PDS5B: variants seen among roughly 807,000 people sequenced by gnomAD.
PDS5B encodes PDS5 cohesin associated factor B, also known as sister chromatid cohesion protein PDS5 homolog B.
A neutral mutation model predicts 184.1 loss-of-function variants in PDS5B; 51 were observed. The observed-to-expected ratio is 0.28, with a 90% CI of 0.22 to 0.35. PDS5B has a LOEUF of 0.35. PDS5B is among the 10% of genes least tolerant of loss of function. The pLI is 1.00. For missense variants in PDS5B, 1,180 were observed against 1,723.3 expected (o/e 0.68, Z 5.58); for synonymous variants, 566 against 569.2 (o/e 0.99, Z 0.08).
At chr13:32,626,731 C>T (rs1301461594) in intron 1 of PDS5B, among the ~76,000 whole-genome samples, 1 of 152,116 alleles carries the variant, frequency 6.6e-6, no homozygotes, top group Non-Finnish European at 1.5e-5. Flanking sequence ...CCCAAATGTT[C>T]TGTTCATGGT....
chr13:32,665,458 G>A (rs979420794), intron 6 of PDS5B, among the ~76,000 whole-genome samples: 1 of 151,158 alleles, frequency 6.6e-6, no homozygotes, highest in Non-Finnish European at 1.5e-5. Flanking sequence ...GCGTGGTGGC[G>A]GGCGCCTGTA....
chr13:32,758,287 C>A, intron 27 of PDS5B, 68 bp downstream of exon 27: 1 of 1,246,396 alleles, frequency 8.0e-7, no homozygotes, highest in South Asian at 1.7e-5. Context: ...AAGTATGAAA[C>A]TTCTGTAGTA....
chr13:32,765,161 A>G (rs964118148), intron 31 of PDS5B, among the ~76,000 whole-genome samples: 2 of 152,218 alleles, frequency 1.3e-5, no homozygotes, highest in African/African-American at 4.8e-5. Flanking sequence ...TAGACACAAA[A>G]TACAGTTATG....
chr13:32,708,575 CCCATCA>C (rs1952104053), intron 18 of PDS5B, among the ~76,000 whole-genome samples: 1 of 152,050 alleles, frequency 6.6e-6, no homozygotes, highest in South Asian at 2.1e-4. Context: ...GATATATAAT[CCCATCA>C]GTAGTATGTG....
At chr13:32,673,415 A>T (rs891767853) in intron 8 of PDS5B, 59 bp downstream of exon 8, 3 of 1,414,074 alleles carry the variant, frequency 2.1e-6, no homozygotes, top group Non-Finnish European at 2.9e-6. Flanking sequence ...AGCATTATTT[A>T]TAGCTTTTTA....
In PDS5B at chr13:32,659,248, A is replaced by G. The variant is rs776961501; in HGVS notation, c.592A>G (p.Thr198Ala). 1.2e-5 allele frequency: 19 copies of G among 1,593,332 alleles called. No individual in the cohort carries two copies. Among genetic ancestry groups the G allele is most frequent in the South Asian group, 2.3e-5 (2 of 87,076 alleles). Reference protein sequence around the residue: ...GDTVSQELLDTVLVNLVPAHK... With the variant: ...GDTVSQELLDAVLVNLVPAHK... ...TACAGTGTCTCAGGAGCTTTTGGAT[A>G]CGGTTTTAGTAAATCTGGTACCTGC... Residue 198 changes from threonine to alanine, a missense_variant, in exon 6 of 35, where the codon ACG (threonine) becomes GCG (alanine). Thr to Ala is a moderately conservative substitution (Grantham distance 58). Around this residue, in one of 11 missense-constraint regions of PDS5B, gnomAD observed 79 missense variants for 124.6 expected, o/e 0.63. Transcript: ENST00000315596.
At position 32,769,363 on chromosome 13, in the gene PDS5B, T is replaced by C. The variant is rs114842739; in HGVS notation, c.3625-758T>C. 1.1e-3 allele frequency among the ~76,000 whole-genome samples: 164 copies of C among 152,312 alleles called. 1 individual carries two copies. Among genetic ancestry groups the C allele is most frequent in the African/African-American group, 3.8e-3 (157 of 41,580 alleles). On this transcript the variant is annotated intron_variant, in intron 31 of 34. Transcript: ENST00000315596. ...TGTTGTTTTCAGTGATTTTTGAAAA[T>C]ATAAATTGCGCAGACTTTTGGAAAT... is the stretch of plus-strand genomic sequence containing the variant.
chr13:32,603,415 G>C (rs1403492150), intron 1 of PDS5B, among the ~76,000 whole-genome samples: 1 of 152,088 alleles, frequency 6.6e-6, no homozygotes, highest in Admixed American at 6.5e-5. Context: ...TAGATGTGTG[G>C]TATTATTTCT....
chr13:32,713,105 A>G (rs750934582), intron 19 of PDS5B, among the ~76,000 whole-genome samples: 5 of 152,206 alleles, frequency 3.3e-5, no homozygotes, highest in Non-Finnish European at 5.9e-5. Context: ...TTATCCTTGT[A>G]AGAGTTTTAA....
intron 1 of PDS5B, among the ~76,000 whole-genome samples, chr13:32,632,712 C>G (rs1050148730): frequency 6.6e-5 from 10 of 152,204 alleles, no homozygotes; most frequent in Admixed American, 4.6e-4. Context: ...TATTGCAGCA[C>G]TGTTCACAGT....
At chr13:32,603,906 G>A (rs2058018670) in intron 1 of PDS5B, among the ~76,000 whole-genome samples, 1 of 152,144 alleles carries the variant, frequency 6.6e-6, no homozygotes, top group African/African-American at 2.4e-5. Context: ...GAATGCTTGT[G>A]ATTTTTGCAC....
Position 32,698,669 on chromosome 13 carries a change from T to C in PDS5B, c.1601-1061T>C, listed in dbSNP as rs116412121. Among the ~76,000 whole-genome samples the C allele has an allele frequency of 7.2e-3, 1,100 of 152,308 alleles. 11 individuals carry two copies. The highest frequency in any genetic ancestry group is 0.025 in the African/African-American group (1,053 of 41,568). On this transcript the variant is annotated intron_variant, in intron 15 of 34. Transcript: ENST00000315596. ...GACATAAAATGGGATTTCAGAATTA[T>C]ATGTGAACTTGAAGACTACATTTAC...
chr13:32,599,336 T>C (rs1029271339), intron 1 of PDS5B, among the ~76,000 whole-genome samples: 1 of 151,992 alleles, frequency 6.6e-6, no homozygotes, highest in Non-Finnish European at 1.5e-5. Context: ...TGATCTCAGC[T>C]CACTGCAACC....
At chr13:32,598,256 G>A (rs2057912360) in intron 1 of PDS5B, among the ~76,000 whole-genome samples, 1 of 151,822 alleles carries the variant, frequency 6.6e-6, no homozygotes, top group South Asian at 2.1e-4. Flanking sequence ...TGTATTTTTA[G>A]TAGAGATGGG....
At chr13:32,649,725 TAA>T (rs926361546) in intron 2 of PDS5B, 1 of 152,164 alleles carries the variant, frequency 6.6e-6, no homozygotes, top group African/African-American at 2.4e-5. Flanking sequence ...AAATTTCACA[TAA>T]AGTCTTAATA....
At chr13:32,647,324 G>A (rs1950253393) in intron 1 of PDS5B, among the ~76,000 whole-genome samples, 1 of 152,122 alleles carries the variant, frequency 6.6e-6, no homozygotes, top group Admixed American at 6.5e-5. Flanking sequence ...CAGGTGGAAT[G>A]CAGTGGCGCA....
intron 19 of PDS5B, among the ~76,000 whole-genome samples, chr13:32,718,625 T>G (rs903591406): frequency 1.3e-5 from 2 of 152,192 alleles, no homozygotes; most frequent in Non-Finnish European, 2.9e-5. Flanking sequence ...TAACATTGTT[T>G]TGGAAGCATT....
intron 24 of PDS5B, 48 bp downstream of exon 24, chr13:32,746,148 T>C (rs752552534): frequency 2.6e-6 from 4 of 1,545,768 alleles, no homozygotes; most frequent in Non-Finnish European, 3.5e-6. Context: ...CTTTGACTTT[T>C]AGGAAGGAAA....
intron 17 of PDS5B, among the ~76,000 whole-genome samples, chr13:32,701,875 A>T (rs545350886): frequency 1.3e-5 from 2 of 152,136 alleles, no homozygotes; most frequent in East Asian, 3.8e-4. Flanking sequence ...TTTCACAGAT[A>T]ATTTGAGAAC....
Sources: gnomAD v4.1 joint callset for allele counts (sites outside exome capture counted in the v4.1 genomes callset) on GRCh38, gnomAD v4.1.1 for gene constraint, gnomAD v4.1.1 regional missense constraint, MANE v1.5 for transcripts, NCBI Gene and HGNC (gene_info 2026-07-23, HGNC 2026-07-21) for gene names.